MTMR3: variants seen among roughly 807,000 people sequenced by gnomAD.
The protein encoded by MTMR3 is phosphatidylinositol-3,5-bisphosphate 3-phosphatase MTMR3.
In MTMR3, 32 loss-of-function variants were observed where a neutral mutation model predicts 132.4. The ratio of observed to expected loss-of-function variants is 0.24; its 90% CI spans 0.18 to 0.32. The LOEUF is 0.32. Ranked by LOEUF, MTMR3 falls within the 10% of genes least tolerant of loss-of-function variation. MTMR3 has a pLI of 1.00. For synonymous variants in MTMR3, 556 were observed against 550.3 expected, an observed-to-expected ratio of 1.01 and a Z score of -0.14; for missense variants, 1,216 against 1,489.6, an observed-to-expected ratio of 0.82 and a Z score of 3.02.
chr22:29,988,159 G>T (rs1164504265), intron 5 of MTMR3: 1 of 174,914 alleles, frequency 5.7e-6, no homozygotes, highest in African/African-American at 2.4e-5. Context: ...ATCATAGTCA[G>T]TTATAGCATC....
chr22:29,889,235 T>C (rs1205754907), intron 1 of MTMR3, among the ~76,000 whole-genome samples: 1 of 151,926 alleles, frequency 6.6e-6, no homozygotes, highest in Non-Finnish European at 1.5e-5. Context: ...AACTTAATCT[T>C]ATTTTAAATT....
Position 30,002,947 on chromosome 22 carries a change from G to A in MTMR3, c.625G>A (p.Val209Ile). ...GATCACTGACAAAGAACTGGAAAGTGTATCAAGTTTCAGGTCCTGGAAGCG... is the reference window on the plus strand; with the variant it reads ...GATCACTGACAAAGAACTGGAAAGTATATCAAGTTTCAGGTCCTGGAAGCG... ...AWITDKELES[V>I]SSFRSWKRIP... The change falls in exon 9 of 20, where the codon GTA (valine) becomes ATA (isoleucine). Residue 209 changes from valine (V) to isoleucine (I), a missense_variant. By Grantham distance (29) the Val-to-Ile change is conservative (BLOSUM62 3). This residue lies in a region of MTMR3 where 129 missense variants were observed against 245.7 expected (regional missense o/e 0.53). Transcript: ENST00000401950. The A allele has an allele frequency of 6.2e-6, 10 of 1,614,104 alleles. No individual in the cohort carries two copies. The highest frequency in any genetic ancestry group is 8.5e-6 in the Non-Finnish European group (10 of 1,179,978).
chr22:29,913,396 C>A (rs1328445625), intron 1 of MTMR3, among the ~76,000 whole-genome samples: 1 of 152,200 alleles, frequency 6.6e-6, no homozygotes, highest in Non-Finnish European at 1.5e-5. Flanking sequence ...TCATTAACTT[C>A]TCAGAGCCTT....
chr22:29,884,551 CTTTTTT>C (rs35960936), intron 1 of MTMR3, among the ~76,000 whole-genome samples: 5 of 62,680 alleles, frequency 8.0e-5, no homozygotes, highest in East Asian at 6.3e-4. Context: ...CAGAATGACA[CTTTTTT>C]TTTTTTTTTT....
At chr22:29,941,065 C>G (rs1411774144) in intron 1 of MTMR3, among the ~76,000 whole-genome samples, 3 of 150,010 alleles carry the variant, frequency 2.0e-5, no homozygotes, top group Non-Finnish European at 4.4e-5. Flanking sequence ...TGCACCGCTT[C>G]TAGTTAGTCT....
At chr22:30,023,689 T>G in intron 19 of MTMR3, 1 of 601,060 alleles carries the variant, frequency 1.7e-6, no homozygotes, top group Non-Finnish European at 3.0e-6. Context: ...TGTGCTCCCC[T>G]CCTGATCACA....
At chr22:30,022,374 G>A in intron 18 of MTMR3, 1 of 607,174 alleles carries the variant, frequency 1.6e-6, no homozygotes. Flanking sequence ...AGCCTTGCCA[G>A]CTCTCACAGT....
intron 2 of MTMR3, among the ~76,000 whole-genome samples, chr22:29,965,923 A>G (rs922015007): frequency 6.6e-6 from 1 of 151,718 alleles, no homozygotes. Context: ...CTTACTGTAT[A>G]AACAGTGGTT....
intron 1 of MTMR3, among the ~76,000 whole-genome samples, chr22:29,898,768 A>G (rs2064950863): frequency 6.6e-6 from 1 of 152,012 alleles, no homozygotes. Context: ...CCTGAATCCC[A>G]TGTTTACTTC....
chr22:29,987,327 A>T (rs2066878863), intron 5 of MTMR3: 1 of 152,282 alleles, frequency 6.6e-6, no homozygotes, highest in South Asian at 2.1e-4. Context: ...TTGTTCCTGA[A>T]ACTGGCTCAG....
chr22:29,899,378 A>G (rs1388192812), intron 1 of MTMR3, among the ~76,000 whole-genome samples: 2 of 152,178 alleles, frequency 1.3e-5, no homozygotes, highest in African/African-American at 2.4e-5. Flanking sequence ...ATTCCATAGT[A>G]TATAGTATAT....
At chr22:29,943,573 T>TTTGGAGAAGGTGTG (rs1384118726) in intron 1 of MTMR3, among the ~76,000 whole-genome samples, 2 of 152,128 alleles carry the variant, frequency 1.3e-5, no homozygotes, top group Non-Finnish European at 2.9e-5. Flanking sequence ...AGCTGAAGTT[T>TTTGGAGAAGGTGTG]TTGGAGAAGG....
At chr22:30,017,713 T>A (rs9625903) in intron 15 of MTMR3, 10,358 of 507,286 alleles carry the variant, frequency 0.02, 879 homozygotes, top group African/African-American at 0.18. Flanking sequence ...TGCTCTCAAG[T>A]GGCTCTTAGG....
chr22:29,936,693 T>C (rs955620457), intron 1 of MTMR3, among the ~76,000 whole-genome samples: 1 of 152,346 alleles, frequency 6.6e-6, no homozygotes, highest in Non-Finnish European at 1.5e-5. Flanking sequence ...GTGTCTTTAA[T>C]GATACCATTT....
At chr22:29,928,778 G>A (rs1299190191) in intron 1 of MTMR3, among the ~76,000 whole-genome samples, 1 of 151,980 alleles carries the variant, frequency 6.6e-6, no homozygotes, top group Non-Finnish European at 1.5e-5. Flanking sequence ...GCCACCCAAA[G>A]TGCTAGGATT....
chr22:29,889,877 T>C (rs961256917), intron 1 of MTMR3, among the ~76,000 whole-genome samples: 10 of 150,960 alleles, frequency 6.6e-5, no homozygotes, highest in African/African-American at 2.4e-4. Flanking sequence ...TGAATTGTTC[T>C]ATTATTTTAT....
intron 1 of MTMR3, among the ~76,000 whole-genome samples, chr22:29,904,123 C>G (rs3887275): frequency 0.22 from 33,090 of 152,068 alleles, 4,021 homozygotes; most frequent in Middle Eastern, 0.38. Flanking sequence ...GTTGGTGATC[C>G]AAGTCTAGAA....
At chr22:29,903,635 C>G (rs139216279) in intron 1 of MTMR3, among the ~76,000 whole-genome samples, 2 of 151,968 alleles carry the variant, frequency 1.3e-5, no homozygotes, top group African/African-American at 2.4e-5. Flanking sequence ...TCGAGAGATC[C>G]GCCTGCCTCA....
chr22:29,965,058 C>T (rs1264582371), intron 2 of MTMR3, among the ~76,000 whole-genome samples: 1 of 152,098 alleles, frequency 6.6e-6, no homozygotes, highest in Non-Finnish European at 1.5e-5. Context: ...TTTCTGATCA[C>T]TTTATCTAAA....
Sources: allele counts gnomAD v4.1 joint callset (sites outside exome capture counted in the v4.1 genomes callset), GRCh38; gene constraint gnomAD v4.1.1; regional missense constraint gnomAD v4.1.1; transcripts MANE v1.5; gene names NCBI Gene and HGNC (gene_info 2026-07-23, HGNC 2026-07-21).